The following TKTL1 variants were observed in gnomAD, a reference collection of about 807,000 sequenced individuals.
TKTL1 encodes transketolase like 1, also known as transketolase-like protein 1.
In TKTL1, 1 loss-of-function variant was observed where a neutral mutation model predicts 39.3. The ratio of observed to expected loss-of-function variants is 0.03; its 90% confidence interval spans 0.01 to 0.12. The LOEUF is 0.12. TKTL1 is among the 10% of genes least tolerant of loss of function. The probability of loss-of-function intolerance (pLI) is 1.00; values close to 1 mark genes in which losing one functional copy is unlikely to be tolerated. For missense variants in TKTL1, 575 were observed against 509.6 expected (o/e 1.13, Z -1.24); for synonymous variants, 262 against 193.8 (o/e 1.35, Z -2.92).
chrX:154,328,598 C>G (rs1482840865), intron 12 of TKTL1, among the ~76,000 whole-genome samples: 1 of 80,125 alleles, frequency 1.2e-5, no homozygotes, highest in Non-Finnish European at 2.6e-5. Flanking sequence ...AAAAAGTGTG[C>G]CCCGACGAAA....
intron 6 of TKTL1, 30 bp from the exon 7 acceptor site, chrX:154,315,143 C>T (rs1557169078): frequency 5.0e-6 from 6 of 1,192,197 alleles, no homozygotes; most frequent in Admixed American, 2.3e-5. Context: ...TTTGAAGAAA[C>T]TCTACCACCT....
intron 10 of TKTL1, 128 bp from the exon 11 acceptor site, chrX:154,327,463 T>C (rs2067501570): frequency 3.2e-6 from 2 of 615,708 alleles, no homozygotes; most frequent in East Asian, 3.2e-5. Flanking sequence ...CTGATTTTTT[T>C]AGTAGTGAGT....
At chrX:154,311,086 AC>A (rs782065952) in intron 4 of TKTL1, 24 bp from the exon 5 acceptor site, 4 of 1,209,097 alleles carry the variant, frequency 3.3e-6, no homozygotes, top group Non-Finnish European at 4.5e-6. Context: ...ATCTCTTGTA[AC>A]CCAGCCTGCT....
At chrX:154,301,038 A>G (rs1213986243) in intron 1 of TKTL1, among the ~76,000 whole-genome samples, 2 of 110,305 alleles carry the variant, frequency 1.8e-5, no homozygotes, top group African/African-American at 6.6e-5. Flanking sequence ...GTGTTACAGC[A>G]CTAGTTTGAC....
At chrX:154,299,602 C>G (rs782378070) in intron 1 of TKTL1, among the ~76,000 whole-genome samples, 1 of 110,600 alleles carries the variant, frequency 9.0e-6, no homozygotes, top group East Asian at 2.8e-4. Context: ...GTCTTTTATC[C>G]CTCACCTCCT....
intron 7 of TKTL1, among the ~76,000 whole-genome samples, chrX:154,315,600 C>G (rs782163657): frequency 9.0e-6 from 1 of 111,303 alleles, no homozygotes; most frequent in Non-Finnish European, 1.9e-5. Context: ...AGTGGGTCCT[C>G]TGAGCCTCGA....
At chrX:154,327,813 C>A in intron 11 of TKTL1, 26 bp from the exon 12 acceptor site, 1 of 1,211,010 alleles carries the variant, frequency 8.3e-7, no homozygotes, top group Non-Finnish European at 1.1e-6. Context: ...CTTTCTTGTA[C>A]CAAGCTGGTT....
chrX:154,327,307 T>C (rs911797074), intron 10 of TKTL1: 23 of 495,497 alleles, frequency 4.6e-5, no homozygotes, highest in Non-Finnish European at 8.4e-5. Context: ...CTCATTAACA[T>C]GTTAGTCACT....
intron 2 of TKTL1, among the ~76,000 whole-genome samples, chrX:154,307,325 G>A (rs1372075735): frequency 2.7e-5 from 3 of 111,982 alleles, no homozygotes; most frequent in Non-Finnish European, 5.6e-5. Flanking sequence ...GGCCCTGTTC[G>A]GCTGCCAGAA....
intron 7 of TKTL1, among the ~76,000 whole-genome samples, chrX:154,317,978 A>G (rs1557169706): frequency 8.9e-6 from 1 of 112,593 alleles, no homozygotes; most frequent in Admixed American, 9.4e-5. Flanking sequence ...TAGATCAGTC[A>G]GTCATTTTCA....
At chrX:154,328,967 C>T (rs782785926) in intron 12 of TKTL1, among the ~76,000 whole-genome samples, 4 of 112,544 alleles carry the variant, frequency 3.6e-5, no homozygotes, top group Non-Finnish European at 7.5e-5. Flanking sequence ...AGGCTGTGTT[C>T]CTGCCTAAGG....
At chrX:154,299,800 A>T (rs1557165517) in intron 1 of TKTL1, among the ~76,000 whole-genome samples, 1 of 111,787 alleles carries the variant, frequency 8.9e-6, no homozygotes, top group Non-Finnish European at 1.9e-5. Flanking sequence ...GCAGTATTCC[A>T]TGTTGTATAT....
intron 7 of TKTL1, among the ~76,000 whole-genome samples, chrX:154,315,871 A>G (rs1353712662): frequency 9.8e-5 from 11 of 112,018 alleles, no homozygotes; most frequent in Non-Finnish European, 5.6e-5. Flanking sequence ...CTCTCCCCAG[A>G]GTGATATTAA....
At chrX:154,299,054 C>T (rs781917743) in intron 1 of TKTL1, among the ~76,000 whole-genome samples, 11 of 109,316 alleles carry the variant, frequency 1.0e-4, no homozygotes, top group Non-Finnish European at 1.7e-4. Context: ...AGAAATGTCC[C>T]ACTTGGCACT....
intron 1 of TKTL1, among the ~76,000 whole-genome samples, chrX:154,298,382 C>T (rs60128236): frequency 9.0e-6 from 1 of 111,490 alleles, no homozygotes; most frequent in East Asian, 2.8e-4. Flanking sequence ...ATGCCCTGCC[C>T]ATCTATTAAT....
chrX:154,309,314 G>C, intron 2 of TKTL1, 31 bp from the exon 3 acceptor site: 1 of 1,153,715 alleles, frequency 8.7e-7, no homozygotes, highest in Non-Finnish European at 1.2e-6. Flanking sequence ...CTGCAGCTGC[G>C]TCTGGGCTCA....
rs868909853 is a variant in TKTL1 at position 154,295,902 on chromosome X, A to G, written c.43A>G (p.Arg15Gly). ...EARAEFPEEA[R>G]PDRGTLQVLQ... ...GAGGGCTGAGTTCCCGGAGGAGGCC[A>G]GACCTGACAGGGGCACCTTGCAGGT... The change falls in exon 1 of 13, where the codon AGA becomes GGA. Residue 15 changes from arginine to glycine, a missense_variant. Coordinates refer to ENST00000369915, the MANE Select transcript of TKTL1 (RefSeq NM_012253.4). 7 of 1,210,477 alleles carry G rather than the reference A, an allele frequency of 5.8e-6. No homozygotes were observed. The African/African-American group carries it at 7.0e-5, about 12-fold the overall frequency.
At chrX:154,324,434 C>T (rs782675253) in intron 9 of TKTL1, among the ~76,000 whole-genome samples, 1 of 112,847 alleles carries the variant, frequency 8.9e-6, no homozygotes, top group South Asian at 3.6e-4. Flanking sequence ...GCCACCGCAC[C>T]TGGCCAATTG....
chrX:154,328,172 AAC>A (rs1454199546), intron 12 of TKTL1, among the ~76,000 whole-genome samples: 1 of 111,758 alleles, frequency 8.9e-6, no homozygotes, highest in Non-Finnish European at 1.9e-5. Context: ...GGTCAGTGGC[AAC>A]ACAGAGGAGT....
Sources: gnomAD v4.1 joint callset for allele counts (sites outside exome capture counted in the v4.1 genomes callset) on GRCh38, gnomAD v4.1.1 for gene constraint, MANE v1.5 for transcripts, NCBI Gene and HGNC (gene_info 2026-07-23, HGNC 2026-07-21) for gene names.